Variants in CSNK2A2IP observed in about 807,000 individuals in gnomAD.
The protein encoded by CSNK2A2IP is casein kinase 2 subunit alpha' interacting protein, also known as casein kinase II subunit alpha'-interacting protein.
chr3:88,354,387 A>AT, the CSNK2A2IP span, among the ~76,000 whole-genome samples: 1 of 152,278 alleles, frequency 6.6e-6, no homozygotes, highest in African/African-American at 2.4e-5. Flanking sequence ...TACTATTACT[A>AT]TTTTTTAAAT....
At chr3:88,421,453 G>A in the CSNK2A2IP span, among the ~76,000 whole-genome samples, 1 of 152,116 alleles carries the variant, frequency 6.6e-6, no homozygotes, top group South Asian at 2.1e-4. Flanking sequence ...GTCTCACTCT[G>A]TTGCCCAGGC....
chr3:88,453,248 A>C, the CSNK2A2IP span, among the ~76,000 whole-genome samples: 25 of 152,082 alleles, frequency 1.6e-4, no homozygotes, highest in Non-Finnish European at 3.2e-4. Context: ...AAAATCTCTA[A>C]ATTGAAATCT....
At chr3:88,458,612 G>T in the CSNK2A2IP span, among the ~76,000 whole-genome samples, 743 of 141,290 alleles carry the variant, frequency 5.3e-3, 6 homozygotes, top group African/African-American at 0.018. Flanking sequence ...TTAGTTTAAT[G>T]TGCTCTTCTT....
At chr3:88,348,998 T>G in the CSNK2A2IP span, among the ~76,000 whole-genome samples, 1 of 152,044 alleles carries the variant, frequency 6.6e-6, no homozygotes, top group Admixed American at 6.6e-5. Context: ...TCATTATCAT[T>G]ACCACCCTAA....
At chr3:88,446,042 CTTTCTT>C in the CSNK2A2IP span, among the ~76,000 whole-genome samples, 9 of 40,108 alleles carry the variant, frequency 2.2e-4, no homozygotes, top group Non-Finnish European at 3.2e-4. Flanking sequence ...TTCTTTCTTT[CTTTCTT>C]TCTTTCTTTC....
At chr3:88,386,379 G>T in the CSNK2A2IP span, among the ~76,000 whole-genome samples, 1 of 152,164 alleles carries the variant, frequency 6.6e-6, no homozygotes, top group South Asian at 2.1e-4. Context: ...ACCTGCCTCG[G>T]CCTCTCAAAA....
the CSNK2A2IP span, among the ~76,000 whole-genome samples, chr3:88,458,464 A>G: frequency 6.6e-6 from 1 of 151,746 alleles, no homozygotes; most frequent in Non-Finnish European, 1.5e-5. Context: ...TTTGTTTTTA[A>G]TTCTTTATCT....
the CSNK2A2IP span, among the ~76,000 whole-genome samples, chr3:88,356,577 A>G: frequency 0.44 from 66,617 of 152,022 alleles, 15,849 homozygotes; most frequent in South Asian, 0.62. Context: ...TACATATCTC[A>G]ATATACTGGC....
chr3:88,362,812 G>C, the CSNK2A2IP span, among the ~76,000 whole-genome samples: 1 of 152,130 alleles, frequency 6.6e-6, no homozygotes, highest in Non-Finnish European at 1.5e-5. Flanking sequence ...TTATTTTAAC[G>C]TGGCTGAGCT....
the CSNK2A2IP span, among the ~76,000 whole-genome samples, chr3:88,384,319 C>T: frequency 1.3e-5 from 2 of 151,710 alleles, no homozygotes; most frequent in Non-Finnish European, 2.9e-5. Context: ...GACTGACTGA[C>T]TTTCTTTCTC....
At chr3:88,455,301 T>C in the CSNK2A2IP span, among the ~76,000 whole-genome samples, 56,729 of 151,740 alleles carry the variant, frequency 0.37, 11,119 homozygotes, top group East Asian at 0.69. Context: ...ATACTATTTT[T>C]TACAATGGCT....
the CSNK2A2IP span, among the ~76,000 whole-genome samples, chr3:88,360,143 T>C: frequency 7.3e-4 from 110 of 151,490 alleles, no homozygotes; most frequent in Non-Finnish European, 1.3e-3. Context: ...TTTTGTCTTT[T>C]TTTTTTTTTT....
chr3:88,365,964 CT>C, the CSNK2A2IP span, among the ~76,000 whole-genome samples: 1 of 152,042 alleles, frequency 6.6e-6, no homozygotes, highest in South Asian at 2.1e-4. Context: ...CTTAAATTTT[CT>C]GATGAGGATT....
At chr3:88,465,342 T>A in the CSNK2A2IP span, 2 of 1,230,318 alleles carry the variant, frequency 1.6e-6, no homozygotes, top group Non-Finnish European at 2.0e-6. Context: ...TAAAAAGACC[T>A]CTACTACAAC....
the CSNK2A2IP span, among the ~76,000 whole-genome samples, chr3:88,451,576 T>C: frequency 7.2e-5 from 11 of 152,002 alleles, no homozygotes; most frequent in African/African-American, 2.2e-4. Flanking sequence ...TCCTTAAAAA[T>C]GTTCCCTAGA....
At chr3:88,387,933 C>T in the CSNK2A2IP span, among the ~76,000 whole-genome samples, 1 of 152,038 alleles carries the variant, frequency 6.6e-6, no homozygotes, top group East Asian at 1.9e-4. Flanking sequence ...TGCTGTGTTG[C>T]CCAGGTTGAT....
chr3:88,409,711 C>T, the CSNK2A2IP span, among the ~76,000 whole-genome samples: 3 of 151,982 alleles, frequency 2.0e-5, no homozygotes, highest in Non-Finnish European at 4.4e-5. Context: ...TATTTAGTCA[C>T]AAGATCATTT....
chr3:88,348,850 G>T, the CSNK2A2IP span, among the ~76,000 whole-genome samples: 1 of 152,112 alleles, frequency 6.6e-6, no homozygotes, highest in Non-Finnish European at 1.5e-5. Context: ...TGTTTCTATT[G>T]CTGTGAGTTG....
At chr3:88,439,989 T>A in the CSNK2A2IP span, among the ~76,000 whole-genome samples, 1 of 152,136 alleles carries the variant, frequency 6.6e-6, no homozygotes, top group African/African-American at 2.4e-5. Flanking sequence ...CTGGTAGAAC[T>A]TCATTCCATT....
Sources: gnomAD v4.1 joint callset for allele counts (sites outside exome capture counted in the v4.1 genomes callset) on GRCh38, gnomAD v4.1.1 for gene constraint, MANE v1.5 for transcripts, NCBI Gene and HGNC (gene_info 2026-07-23, HGNC 2026-07-21) for gene names.